The following ANGPTL2 variants were observed in gnomAD, a reference collection of about 807,000 sequenced individuals.
ANGPTL2 encodes the protein angiopoietin-related protein 2.
Under a neutral mutation model 52.8 loss-of-function variants are expected in ANGPTL2, and 25 were observed. The ratio of observed to expected loss-of-function variants is 0.47; its 90% CI spans 0.35 to 0.66. ANGPTL2 has a LOEUF of 0.66. Ranked by LOEUF, ANGPTL2 falls within the 30% of genes least tolerant of loss-of-function variation. The pLI, the probability that ANGPTL2 is intolerant of heterozygous loss-of-function variation, is 0.01. For missense variants in ANGPTL2, 546 were observed against 656.9 expected, an observed-to-expected ratio of 0.83 and a Z score of 1.84; for synonymous variants, 276 against 277.4, an observed-to-expected ratio of 1.00 and a Z score of 0.05.
Position 127,093,855 on chromosome 9 carries a change from C to G in ANGPTL2, c.889G>C (p.Glu297Gln), listed in dbSNP as rs1423934979. The change falls in exon 3 of 5, where the codon GAG becomes CAG. Residue 297 changes from glutamate (E) to glutamine (Q), a missense_variant. By Grantham distance (29) the Glu-to-Gln change is conservative. This residue lies in a region of ANGPTL2 where 261 missense variants were observed against 361.0 expected (regional missense o/e 0.72). Coordinates refer to ENST00000373425, the MANE Select transcript of ANGPTL2 (RefSeq NM_012098.3). ...ACCTGCATGAGGCGGTTGGTGTTCTCCGGCTTCACCAGGTAGATGGAGCTG... is the reference window on the plus strand; with the variant it reads ...ACCTGCATGAGGCGGTTGGTGTTCTGCGGCTTCACCAGGTAGATGGAGCTG... Reference protein sequence around the residue: ...DTSSIYLVKPENTNRLMQVWC... With the variant: ...DTSSIYLVKPQNTNRLMQVWC... The G allele has an allele frequency of 6.2e-7, 1 of 1,613,984 alleles. No individual in the cohort carries two copies. Among genetic ancestry groups the G allele is most frequent in the Non-Finnish European group, 8.5e-7 (1 of 1,180,024 alleles).
At chr9:127,092,014 T>C in intron 3 of ANGPTL2, 74 bp from the exon 4 acceptor site, 2 of 1,564,754 alleles carry the variant, frequency 1.3e-6, no homozygotes, top group South Asian at 2.4e-5. Context: ...TGTCAGACAC[T>C]CAGCCCTGGA....
Sources: allele counts gnomAD v4.1 joint callset, GRCh38; gene constraint gnomAD v4.1.1; regional missense constraint gnomAD v4.1.1; transcripts MANE v1.5; gene names NCBI Gene and HGNC (gene_info 2026-07-23, HGNC 2026-07-21).